The following LRMDA variants were observed in gnomAD, a reference collection of about 807,000 sequenced individuals.
The protein encoded by LRMDA is leucine-rich melanocyte differentiation-associated protein.
A neutral mutation model predicts 29.8 loss-of-function variants in LRMDA; 18 were observed. That is an observed-to-expected ratio of 0.60 (90% CI 0.42 to 0.90). The LOEUF (loss-of-function observed/expected upper bound fraction) is 0.90. LRMDA is among the 40% of genes least tolerant of loss of function. LRMDA has a pLI of 0.00. For synonymous variants in LRMDA, 125 were observed against 109.4 expected (o/e 1.14, Z -0.89); for missense variants, 273 against 273.9 (o/e 1.00, Z 0.02).
At chr10:76,467,461 C>G (rs1842575661) in intron 6 of LRMDA, among the ~76,000 whole-genome samples, 1 of 152,180 alleles carries the variant, frequency 6.6e-6, no homozygotes, top group African/African-American at 2.4e-5. Context: ...AAGCATTTCT[C>G]TAAATAATCC....
intron 6 of LRMDA, among the ~76,000 whole-genome samples, chr10:76,459,444 C>T (rs760402003): frequency 7.2e-5 from 11 of 152,156 alleles, no homozygotes; most frequent in Non-Finnish European, 1.3e-4. Flanking sequence ...AATAGACGCA[C>T]AGAATGTTAA....
chr10:75,496,958 G>A (rs1208422563), intron 2 of LRMDA, among the ~76,000 whole-genome samples: 1 of 151,708 alleles, frequency 6.6e-6, no homozygotes, highest in Non-Finnish European at 1.5e-5. Context: ...CTCCCCTCAG[G>A]AATCCTAGAT....
chr10:76,229,678 C>G (rs1029223059), intron 5 of LRMDA, among the ~76,000 whole-genome samples: 1 of 152,112 alleles, frequency 6.6e-6, no homozygotes, highest in Admixed American at 6.5e-5. Flanking sequence ...GTTCAAAATA[C>G]TCAGCATATC....
At chr10:76,078,257 T>C (rs1489175615) in intron 5 of LRMDA, among the ~76,000 whole-genome samples, 2 of 151,486 alleles carry the variant, frequency 1.3e-5, no homozygotes, top group Non-Finnish European at 2.9e-5. Context: ...GATCTGCCCG[T>C]CTCGGCCTCC....
intron 5 of LRMDA, among the ~76,000 whole-genome samples, chr10:76,252,745 T>C (rs1243432899): frequency 6.6e-6 from 1 of 152,224 alleles, no homozygotes; most frequent in African/African-American, 2.4e-5. Flanking sequence ...CTGCTAGATA[T>C]TGGAGGATCA....
chr10:76,347,433 C>A (rs1841122376), intron 6 of LRMDA, among the ~76,000 whole-genome samples: 1 of 152,142 alleles, frequency 6.6e-6, no homozygotes, highest in South Asian at 2.1e-4. Context: ...AGAGAAAGCA[C>A]AGGATGGCTC....
chr10:76,332,483 A>C (rs1380242302), intron 6 of LRMDA, among the ~76,000 whole-genome samples: 2 of 152,338 alleles, frequency 1.3e-5, no homozygotes, highest in African/African-American at 4.8e-5. Flanking sequence ...GAGCAAAGCA[A>C]GGAGGAAAAA....
At chr10:76,204,116 A>G (rs1219335495) in intron 5 of LRMDA, among the ~76,000 whole-genome samples, 1 of 122,412 alleles carries the variant, frequency 8.2e-6, no homozygotes, top group African/African-American at 3.3e-5. Flanking sequence ...CCATCAACCC[A>G]TCTCTCCATG....
chr10:76,448,450 T>A (rs1842374294), intron 6 of LRMDA, among the ~76,000 whole-genome samples: 1 of 152,142 alleles, frequency 6.6e-6, no homozygotes, highest in Non-Finnish European at 1.5e-5. Flanking sequence ...ATGAAACATT[T>A]TGATCCAAAT....
At chr10:76,482,209 T>C (rs1842739332) in intron 6 of LRMDA, among the ~76,000 whole-genome samples, 1 of 151,996 alleles carries the variant, frequency 6.6e-6, no homozygotes, top group Non-Finnish European at 1.5e-5. Flanking sequence ...TGGGCACTTT[T>C]TATTGAAGTA....
At chr10:76,366,835 C>T (rs1456418725) in intron 6 of LRMDA, among the ~76,000 whole-genome samples, 1 of 152,162 alleles carries the variant, frequency 6.6e-6, no homozygotes, top group Non-Finnish European at 1.5e-5. Context: ...TGTTCCAGTT[C>T]TCAGAGGGAA....
intron 2 of LRMDA, among the ~76,000 whole-genome samples, chr10:75,950,471 C>T (rs954085522): frequency 1.3e-5 from 2 of 152,228 alleles, no homozygotes. Context: ...CACACATGCC[C>T]CCTCTTTCCT....
intron 5 of LRMDA, among the ~76,000 whole-genome samples, chr10:76,120,047 C>T (rs1416776921): frequency 6.6e-6 from 1 of 152,138 alleles, no homozygotes; most frequent in East Asian, 1.9e-4. Flanking sequence ...TTCCCAGATG[C>T]TGGAATCCTC....
chr10:76,156,072 G>C lies in LRMDA; in HGVS notation c.516+97289G>C, dbSNP rs556702250. ...ATCACTTTCTCCATCTGTGCTGGAA[G>C]AAAGTAACTCAAACACAGTCAGGAA... On this transcript the variant is annotated intron_variant, in intron 5 of 6. Transcript: ENST00000611255. Among the ~76,000 whole-genome samples the C allele has an allele frequency of 5.4e-4, 82 of 152,292 alleles. 1 individual carries two copies. Among genetic ancestry groups the C allele is most frequent in the South Asian group, 1.0e-3 (5 of 4,830 alleles).
chr10:75,849,014 C>T (rs1209255369), intron 2 of LRMDA, among the ~76,000 whole-genome samples: 1 of 152,076 alleles, frequency 6.6e-6, no homozygotes, highest in African/African-American at 2.4e-5. Flanking sequence ...AGTGGTAAGC[C>T]AGGGTATCTG....
intron 5 of LRMDA, among the ~76,000 whole-genome samples, chr10:76,128,980 C>A (rs371414472): frequency 6.6e-5 from 10 of 152,076 alleles, no homozygotes; most frequent in African/African-American, 2.4e-4. Context: ...TAAAATAAAC[C>A]CTCTGTTGCA....
At chr10:75,494,374 G>T (rs1845021809) in intron 2 of LRMDA, among the ~76,000 whole-genome samples, 1 of 152,120 alleles carries the variant, frequency 6.6e-6, no homozygotes, top group East Asian at 1.9e-4. Context: ...GTTTCCACTA[G>T]CGGTTGTTGA....
intron 5 of LRMDA, among the ~76,000 whole-genome samples, chr10:76,257,893 G>A (rs896766536): frequency 1.3e-5 from 2 of 152,176 alleles, no homozygotes; most frequent in East Asian, 1.9e-4. Context: ...GAGATGGCTG[G>A]AATAGCTTTC....
chr10:75,839,865 C>T (rs547521992), intron 2 of LRMDA, among the ~76,000 whole-genome samples: 7 of 152,054 alleles, frequency 4.6e-5, no homozygotes, highest in East Asian at 1.9e-4. Context: ...CCCGCCACCG[C>T]GCCCGGCTAA....
Sources: allele counts gnomAD v4.1 joint callset (sites outside exome capture counted in the v4.1 genomes callset), GRCh38; gene constraint gnomAD v4.1.1; transcripts MANE v1.5; gene names NCBI Gene and HGNC (gene_info 2026-07-23, HGNC 2026-07-21).